The following DLG2 variants were observed in gnomAD, a reference collection of about 807,000 sequenced individuals.
The protein encoded by DLG2 is discs large MAGUK scaffold protein 2, also known as disks large homolog 2.
In DLG2, 45 loss-of-function variants were observed where a neutral mutation model predicts 132.5. That is an observed-to-expected ratio of 0.34 (90% CI 0.27 to 0.44). The LOEUF (loss-of-function observed/expected upper bound fraction) is 0.44. Ranked by LOEUF, DLG2 falls within the 20% of genes least tolerant of loss-of-function variation. The probability of loss-of-function intolerance (pLI) is 1.00; values close to 1 mark genes in which losing one functional copy is unlikely to be tolerated. For missense variants in DLG2, 1,045 were observed against 1,196.9 expected (o/e 0.87, Z 1.87); for synonymous variants, 424 against 419.6 (o/e 1.01, Z -0.13).
intron 6 of DLG2, among the ~76,000 whole-genome samples, chr11:84,599,219 G>A (rs983367029): frequency 6.6e-6 from 1 of 152,050 alleles, no homozygotes; most frequent in Non-Finnish European, 1.5e-5. Context: ...CACAGCAGCT[G>A]GGGTGACAAA....
chr11:83,483,614 C>T (rs1314051638), intron 22 of DLG2, among the ~76,000 whole-genome samples: 1 of 152,128 alleles, frequency 6.6e-6, no homozygotes, highest in Non-Finnish European at 1.5e-5. Context: ...AAGGAATAAA[C>T]TTCTCCAAAT....
chr11:84,042,174 A>G (rs759283618), intron 11 of DLG2, among the ~76,000 whole-genome samples: 4 of 152,004 alleles, frequency 2.6e-5, no homozygotes, highest in Non-Finnish European at 4.4e-5. Flanking sequence ...AGTTTTCCCA[A>G]TATAACTTAT....
chr11:84,332,508 C>CTGTTT (rs2098465498), intron 7 of DLG2, among the ~76,000 whole-genome samples: 1 of 78,292 alleles, frequency 1.3e-5, no homozygotes, highest in African/African-American at 5.7e-5. Context: ...CCGCGCCTGG[C>CTGTTT]TTTTTTTTTT....
chr11:84,319,784 TGTTA>T (rs904690070), intron 7 of DLG2, among the ~76,000 whole-genome samples: 1 of 152,244 alleles, frequency 6.6e-6, no homozygotes, highest in Non-Finnish European at 1.5e-5. Context: ...GTATAACTAA[TGTTA>T]TTTTGCTTAA....
intron 5 of DLG2, among the ~76,000 whole-genome samples, chr11:85,150,224 G>A (rs539869782): frequency 3.9e-4 from 59 of 151,888 alleles, no homozygotes; most frequent in African/African-American, 1.4e-3. Flanking sequence ...GTTTCACCGT[G>A]TTAGCCAGGA....
At chr11:84,227,345 A>G (rs2097015956) in intron 8 of DLG2, among the ~76,000 whole-genome samples, 1 of 152,052 alleles carries the variant, frequency 6.6e-6, no homozygotes, top group South Asian at 2.1e-4. Context: ...ATCAGAGGGA[A>G]TAAGGCCTAG....
At chr11:85,480,147 TC>T (rs2153088053) in intron 3 of DLG2, among the ~76,000 whole-genome samples, 1 of 152,266 alleles carries the variant, frequency 6.6e-6, no homozygotes, top group South Asian at 2.1e-4. Context: ...GAAAAAGAAA[TC>T]TCATACTTTG....
intron 3 of DLG2, among the ~76,000 whole-genome samples, chr11:85,302,562 A>C (rs1273540767): frequency 6.6e-6 from 1 of 150,802 alleles, no homozygotes; most frequent in East Asian, 2.0e-4. Context: ...ATGGGCCAGT[A>C]GGTATGAAAT....
intron 3 of DLG2, chr11:85,336,228 T>C (rs1412567465): frequency 6.5e-6 from 1 of 153,020 alleles, no homozygotes; most frequent in East Asian, 1.9e-4. Context: ...GCCAGTTTGG[T>C]GGGGTTGAAG....
intron 4 of DLG2, among the ~76,000 whole-genome samples, chr11:85,275,435 A>G (rs2077828261): frequency 6.6e-6 from 1 of 152,170 alleles, no homozygotes; most frequent in South Asian, 2.1e-4. Flanking sequence ...ACAGCTGCAT[A>G]CTTACAAATC....
intron 6 of DLG2, among the ~76,000 whole-genome samples, chr11:85,089,647 A>G (rs190408515): frequency 9.2e-5 from 14 of 152,258 alleles, no homozygotes; most frequent in Admixed American, 9.2e-4. Context: ...TATATACTCA[A>G]TAAAGGGATT....
chr11:84,837,578 G>C (rs1027463986), intron 6 of DLG2, among the ~76,000 whole-genome samples: 1 of 151,782 alleles, frequency 6.6e-6, no homozygotes, highest in Non-Finnish European at 1.5e-5. Context: ...CACACAAAAA[G>C]AGGCAATGAA....
intron 6 of DLG2, among the ~76,000 whole-genome samples, chr11:84,544,980 T>C (rs1331266035): frequency 6.6e-6 from 1 of 152,220 alleles, no homozygotes; most frequent in Non-Finnish European, 1.5e-5. Flanking sequence ...GAATTTTTTG[T>C]CCATACACAT....
At chr11:84,848,501 T>C (rs911357233) in intron 6 of DLG2, among the ~76,000 whole-genome samples, 45 of 151,660 alleles carry the variant, frequency 3.0e-4, no homozygotes, top group African/African-American at 9.9e-4. Flanking sequence ...CTCAGAAAAA[T>C]AAAAAATAAA....
intron 11 of DLG2, among the ~76,000 whole-genome samples, chr11:84,030,955 G>A (rs1417973646): frequency 6.6e-6 from 1 of 152,148 alleles, no homozygotes; most frequent in African/African-American, 2.4e-5. Flanking sequence ...ACAAGAGATA[G>A]TTAAATGTGG....
At chr11:85,097,928 G>A (rs1243149222) in intron 6 of DLG2, among the ~76,000 whole-genome samples, 3 of 152,186 alleles carry the variant, frequency 2.0e-5, no homozygotes, top group Non-Finnish European at 4.4e-5. Context: ...AGTAGAATTA[G>A]TTGCATCATT....
chr11:84,361,591 G>A (rs374147907), intron 7 of DLG2, among the ~76,000 whole-genome samples: 20 of 152,006 alleles, frequency 1.3e-4, no homozygotes, highest in African/African-American at 4.8e-5. Context: ...CAGAGGAAAC[G>A]TATATCTATA....
At chr11:85,509,239 T>A (rs538711778) in intron 3 of DLG2, among the ~76,000 whole-genome samples, 1 of 151,844 alleles carries the variant, frequency 6.6e-6, no homozygotes, top group African/African-American at 2.4e-5. Context: ...AAACCAAGAG[T>A]TTTTCTTCAA....
At chr11:84,415,767 T>G (rs895807440) in intron 7 of DLG2, among the ~76,000 whole-genome samples, 1 of 152,146 alleles carries the variant, frequency 6.6e-6, no homozygotes, top group Non-Finnish European at 1.5e-5. Context: ...CTGGCTCCAC[T>G]GGTTGTGTGA....
Sources: gnomAD v4.1 joint callset for allele counts (sites outside exome capture counted in the v4.1 genomes callset) on GRCh38, gnomAD v4.1.1 for gene constraint, MANE v1.5 for transcripts, NCBI Gene and HGNC (gene_info 2026-07-23, HGNC 2026-07-21) for gene names.